UBOX5: variants seen among roughly 807,000 people sequenced by gnomAD.
UBOX5 encodes RING finger protein 37.
In UBOX5, 28 loss-of-function variants were observed where a neutral mutation model predicts 39.0. That is an observed-to-expected ratio of 0.72 (90% CI 0.53 to 0.98). The LOEUF (loss-of-function observed/expected upper bound fraction) is 0.98. Among genes scored for constraint, UBOX5 ranks in the 50% least tolerant of loss-of-function variants. The pLI is 0.00. For synonymous variants in UBOX5, 283 were observed against 275.5 expected, an observed-to-expected ratio of 1.03 and a Z score of -0.27; for missense variants, 585 against 674.4, an observed-to-expected ratio of 0.87 and a Z score of 1.47.
At chr20:3,121,254 G>A (rs1032926219) in intron 3 of UBOX5, 130 bp downstream of exon 3, 39 of 1,369,090 alleles carry the variant, frequency 2.8e-5, no homozygotes, top group Middle Eastern at 2.7e-4. Context: ...GATGGGAAAC[G>A]GGAAGGAGGC....
chr20:3,132,007 C>CA (rs35711232), intron 1 of UBOX5, among the ~76,000 whole-genome samples: 18,541 of 51,968 alleles, frequency 0.36, 3,729 homozygotes, highest in Non-Finnish European at 0.46. Flanking sequence ...GACACTGTCT[C>CA]AAAAAAAAAA....
At chr20:3,157,903 G>T (rs1041253859) in intron 1 of UBOX5, among the ~76,000 whole-genome samples, 2 of 148,166 alleles carry the variant, frequency 1.3e-5, no homozygotes, top group Non-Finnish European at 3.0e-5. Context: ...GAATTCTTTT[G>T]TTTTTTTTTT....
chr20:3,117,101 A>C lies in UBOX5; in HGVS notation c.1256-1635T>G, dbSNP rs2066299163. 2.6e-5 allele frequency among the ~76,000 whole-genome samples: 4 copies of C among 151,974 alleles called. No homozygotes were observed. In the South Asian group the frequency reaches 8.3e-4, roughly 32 times the overall value. ...ACAGAGCGAGACTCCATCTCAAAAA[A>C]AAAAAGGAAACGTGTCAAAGAGCTA... On this transcript the variant is annotated intron_variant, in intron 3 of 4. Coordinates refer to ENST00000217173, the MANE Select transcript of UBOX5 (RefSeq NM_014948.4).
intron 1 of UBOX5, chr20:3,147,140 C>T (rs775270826): frequency 4.3e-6 from 7 of 1,613,728 alleles, no homozygotes; most frequent in Middle Eastern, 3.3e-4. Flanking sequence ...CTCAGTTTTG[C>T]CCTGGAAATG....
Position 3,122,525 on chromosome 20 carries a change from A to G in UBOX5, c.114T>C (p.Ser38=), listed in dbSNP as rs1432335411. 2 of 1,612,094 alleles carry G rather than the reference A, an allele frequency of 1.2e-6. No homozygotes were observed. Among genetic ancestry groups the G allele is most frequent in the South Asian group, 2.2e-5 (2 of 90,742 alleles). Residue 38 remains serine (S), a synonymous_variant, in exon 3 of 5, where the codon AGT becomes AGC. Transcript: ENST00000217173. ...NLISEDLTKR[S]HGFRTEYFIK... ...TGAAATACTCTGTCCTGAAACCATG[A>G]CTTCTCTTTGTGAGATCTTCAGAGA...
At chr20:3,121,316 C>T (rs1323841266) in intron 3 of UBOX5, 68 bp downstream of exon 3, 5 of 1,544,770 alleles carry the variant, frequency 3.2e-6, no homozygotes, top group Non-Finnish European at 3.5e-6. Context: ...AAGCAAAGGG[C>T]AGCAGAGCTG....
Position 3,121,678 on chromosome 20 carries a change from G to C in UBOX5, c.961C>G (p.His321Asp). ...AFTPHSQPLP[H>D]PSLKARIDHF... ...TCAATCCGGGCCTTGAGGGAGGGGT[G>C]AGGCAGGGGCTGAGAGTGCGGAGTA... Residue 321 changes from histidine (H) to aspartate (D), a missense_variant, in exon 3 of 5, where the codon CAC (histidine) becomes GAC (aspartate). Coordinates refer to ENST00000217173, the MANE Select transcript of UBOX5 (RefSeq NM_014948.4). 6.2e-7 allele frequency: 1 copy of C among 1,613,928 alleles called. No homozygotes were observed. The highest frequency in any genetic ancestry group is 8.5e-7 in the Non-Finnish European group (1 of 1,179,994).
At chr20:3,138,839 C>T (rs6107243) in intron 1 of UBOX5, among the ~76,000 whole-genome samples, 1 of 152,112 alleles carries the variant, frequency 6.6e-6, no homozygotes, top group Non-Finnish European at 1.5e-5. Flanking sequence ...TTCTGAACAC[C>T]TCAGCATCCA....
intron 1 of UBOX5, among the ~76,000 whole-genome samples, chr20:3,158,505 G>A (rs910622166): frequency 1.3e-5 from 2 of 151,770 alleles, no homozygotes; most frequent in East Asian, 3.9e-4. Flanking sequence ...ACGGACTCTC[G>A]CTCTCTCGCC....
intron 1 of UBOX5, among the ~76,000 whole-genome samples, chr20:3,158,765 T>C (rs541443026): frequency 1.2e-4 from 18 of 152,358 alleles, no homozygotes; most frequent in Non-Finnish European, 2.2e-4. Flanking sequence ...TGAGCCACTG[T>C]GTCCGGCCCA....
chr20:3,122,719 C>T lies in UBOX5; in HGVS notation c.55-135G>A, dbSNP rs1166721167. On this transcript the variant is annotated intron_variant, in intron 2 of 4. Coordinates refer to ENST00000217173, the MANE Select transcript of UBOX5 (RefSeq NM_014948.4). ...ACTGAATTGTCCCAGATCAGGGCAC[C>T]CAAGATCAGATCAAAGGCCAAGGGC... The T allele has an allele frequency of 4.7e-6, 6 of 1,265,786 alleles. 1 individual carries two copies. Among genetic ancestry groups the T allele is most frequent in the Non-Finnish European group, 6.3e-6 (6 of 950,484 alleles). 78.4% of individuals were successfully genotyped at this position (1,265,786 alleles called of 1,614,324 possible). A position where few individuals can be genotyped will look rare whatever the true frequency, so the allele number is the denominator to read the frequency against.
intron 1 of UBOX5, chr20:3,148,152 G>C (rs1271112110): frequency 6.2e-7 from 1 of 1,613,746 alleles, no homozygotes; most frequent in Non-Finnish European, 8.5e-7. Context: ...ATATATTTAA[G>C]GATCAATGAT....
Position 3,109,996 on chromosome 20 carries a change from A to T in UBOX5, c.*110T>A, listed in dbSNP as rs937715092. The T allele has an allele frequency of 1.5e-6, 2 of 1,290,840 alleles. No homozygotes were observed. Among genetic ancestry groups the T allele is most frequent in the Admixed American group, 3.7e-5 (2 of 53,920 alleles). The allele number at this position is 1,290,840 out of a possible 1,614,324, so 80.0% of individuals were successfully genotyped here. The stretch of plus-strand genomic sequence containing the variant: ...ATGAAGAAGAGCCCCGGGAGGGAGC[A>T]GGCAGCTCTGTGCCTGGGGCCTGGC... On this transcript the variant is annotated 3_prime_UTR_variant, in exon 5 of 5. Transcript: ENST00000217173.
At chr20:3,117,923 C>T (rs1415154727) in intron 3 of UBOX5, among the ~76,000 whole-genome samples, 12 of 151,980 alleles carry the variant, frequency 7.9e-5, no homozygotes, top group African/African-American at 1.9e-4. Flanking sequence ...ATCCGGGAGG[C>T]GGAGGTTGCA....
At chr20:3,115,927 C>G (rs1396749798) in intron 3 of UBOX5, among the ~76,000 whole-genome samples, 2 of 152,032 alleles carry the variant, frequency 1.3e-5, no homozygotes, top group Admixed American at 1.3e-4. Flanking sequence ...CCACGCCTGG[C>G]TAATTTTTTG....
At chr20:3,144,696 T>C (rs1037573155) in intron 1 of UBOX5, among the ~76,000 whole-genome samples, 1 of 152,222 alleles carries the variant, frequency 6.6e-6, no homozygotes, top group Non-Finnish European at 1.5e-5. Context: ...GCAAATCACA[T>C]ATATTGTATC....
intron 1 of UBOX5, among the ~76,000 whole-genome samples, chr20:3,144,960 C>T (rs1199816956): frequency 6.6e-6 from 1 of 152,048 alleles, no homozygotes; most frequent in African/African-American, 2.4e-5. Context: ...GGAGTTTATG[C>T]AAGACAAGTA....
chr20:3,119,288 A>C (rs879472185), intron 3 of UBOX5, among the ~76,000 whole-genome samples: 4 of 152,208 alleles, frequency 2.6e-5, no homozygotes, highest in Admixed American at 2.0e-4. Context: ...TCAGTCCAAC[A>C]ATGCATCAAC....
intron 1 of UBOX5, among the ~76,000 whole-genome samples, chr20:3,153,906 T>C (rs2066658129): frequency 6.6e-6 from 1 of 152,032 alleles, no homozygotes; most frequent in Non-Finnish European, 1.5e-5. Context: ...TTCCTTTGAG[T>C]ATCATGTTGG....
Sources: allele counts gnomAD v4.1 joint callset (sites outside exome capture counted in the v4.1 genomes callset), GRCh38; gene constraint gnomAD v4.1.1; transcripts MANE v1.5; gene names NCBI Gene and HGNC (gene_info 2026-07-23, HGNC 2026-07-21).